The following UBE3A variants were observed in gnomAD, a reference collection of about 807,000 sequenced individuals.
UBE3A encodes the protein ubiquitin protein ligase E3A, also known as ubiquitin-protein ligase E3A.
Under a neutral mutation model 83.4 loss-of-function variants are expected in UBE3A, and 6 were observed. The ratio of observed to expected loss-of-function variants is 0.07; its 90% confidence interval spans 0.04 to 0.14. The LOEUF (loss-of-function observed/expected upper bound fraction) is 0.14, where lower values mean the gene tolerates loss of function less well. UBE3A is among the 10% of genes least tolerant of loss of function. UBE3A has a pLI of 1.00. For missense variants in UBE3A, 456 were observed against 1,036.1 expected, an observed-to-expected ratio of 0.44 and a Z score of 7.69; for synonymous variants, 337 against 355.4, an observed-to-expected ratio of 0.95 and a Z score of 0.58.
intron 6 of UBE3A, among the ~76,000 whole-genome samples, chr15:25,361,383 C>CA (rs1315574202): frequency 6.6e-6 from 1 of 152,134 alleles, no homozygotes; most frequent in Non-Finnish European, 1.5e-5. Context: ...CTCAGCCTCT[C>CA]AAAGTGCTGG....
chr15:25,391,984 A>G (rs776035568), intron 4 of UBE3A, among the ~76,000 whole-genome samples: 10 of 152,058 alleles, frequency 6.6e-5, no homozygotes, highest in South Asian at 4.2e-4. Flanking sequence ...GTGAAGAAGA[A>G]TAAGTTCAGG....
intron 1 of UBE3A, among the ~76,000 whole-genome samples, chr15:25,426,777 T>C (rs1176519031): frequency 6.6e-6 from 1 of 152,126 alleles, no homozygotes; most frequent in East Asian, 1.9e-4. Flanking sequence ...TATGAGAACA[T>C]TTAGTCTTCT....
chr15:25,416,518 AC>A (rs2090952683), intron 1 of UBE3A, among the ~76,000 whole-genome samples: 1 of 152,106 alleles, frequency 6.6e-6, no homozygotes, highest in Admixed American at 6.6e-5. Flanking sequence ...GGGTAGTGAC[AC>A]AGAGCACAAG....
At chr15:25,358,237 T>C (rs1595624549) in intron 7 of UBE3A, among the ~76,000 whole-genome samples, 1 of 152,004 alleles carries the variant, frequency 6.6e-6, no homozygotes, top group African/African-American at 2.4e-5. Context: ...CTGGGTGTGG[T>C]AGCATGTGCC....
chr15:25,379,082 G>A (rs1233848355), intron 4 of UBE3A, among the ~76,000 whole-genome samples: 5 of 152,138 alleles, frequency 3.3e-5, no homozygotes, highest in Non-Finnish European at 5.9e-5. Context: ...CTTTCTGGAC[G>A]TAAGTTTCCT....
chr15:25,427,357 T>C (rs963809848), intron 1 of UBE3A, among the ~76,000 whole-genome samples: 2 of 151,546 alleles, frequency 1.3e-5, no homozygotes, highest in African/African-American at 2.4e-5. Flanking sequence ...CCCTATAAGA[T>C]AGAAGGAAGA....
In UBE3A at chr15:25,336,867, A is replaced by T. The variant is rs1453387493; in HGVS notation, c.*2270T>A. 6.6e-6 allele frequency: 1 copy of T among 152,178 alleles called. No individual in the cohort carries two copies. Among genetic ancestry groups the T allele is most frequent in the African/African-American group, 2.4e-5 (1 of 41,448 alleles). The allele number at this position is 152,178 out of a possible 1,614,324, so 9.4% of individuals were successfully genotyped here. The stretch of plus-strand genomic sequence containing the variant: ...TATAATAGAGTACCTGGGCAAAAAA[A>T]GTACTTTTATAACATAACATTTGGG... On this transcript the variant is annotated 3_prime_UTR_variant, in exon 13 of 13. Coordinates refer to ENST00000648336, the MANE Select transcript of UBE3A (RefSeq NM_130839.5).
At chr15:25,403,195 T>C (rs1022281894) in intron 4 of UBE3A, among the ~76,000 whole-genome samples, 4 of 152,278 alleles carry the variant, frequency 2.6e-5, no homozygotes, top group African/African-American at 9.6e-5. Flanking sequence ...TGGAATGAGA[T>C]TCTCCTACTC....
At position 25,388,554 on chromosome 15, in the gene UBE3A, C is replaced by G. The variant is rs188131733; in HGVS notation, c.63-12791G>C. On this transcript the variant is annotated intron_variant, in intron 4 of 12. Coordinates refer to ENST00000648336, the MANE Select transcript of UBE3A (RefSeq NM_130839.5). ...GAAACTTTCTTACTAAGATCAGGAA[C>G]AAGAAAAGAATATCCCCACCTCACC... is the stretch of plus-strand genomic sequence containing the variant. Among the ~76,000 whole-genome samples the G allele has an allele frequency of 1.1e-4, 16 of 152,072 alleles. 1 individual carries two copies. Among genetic ancestry groups the G allele is most frequent in the Admixed American group, 9.8e-4 (15 of 15,268 alleles).
chr15:25,339,911 A>G (rs992412996), intron 12 of UBE3A, 174 bp downstream of exon 12: 4 of 845,246 alleles, frequency 4.7e-6, no homozygotes, highest in African/African-American at 1.7e-5. Flanking sequence ...GCAATTTCTT[A>G]AAAGTTTCCT....
chr15:25,435,324 G>A (rs970320648), intron 1 of UBE3A, among the ~76,000 whole-genome samples: 1 of 151,898 alleles, frequency 6.6e-6, no homozygotes, highest in Non-Finnish European at 1.5e-5. Flanking sequence ...TGTCTTTGTG[G>A]GTCCTGTACT....
intron 11 of UBE3A, among the ~76,000 whole-genome samples, chr15:25,351,960 G>A (rs1020152263): frequency 3.3e-5 from 5 of 152,200 alleles, no homozygotes; most frequent in Admixed American, 2.6e-4. Flanking sequence ...TTGGGAGGCC[G>A]AGGCGGGCGG....
chr15:25,378,548 A>C (rs1190032916), intron 4 of UBE3A, among the ~76,000 whole-genome samples: 1 of 152,180 alleles, frequency 6.6e-6, no homozygotes, highest in Non-Finnish European at 1.5e-5. Context: ...ATTGAGGATT[A>C]TCTTCAGTCC....
At chr15:25,407,872 A>T (rs2089015878) in intron 3 of UBE3A, 1 of 150,564 alleles carries the variant, frequency 6.6e-6, no homozygotes, top group Non-Finnish European at 1.5e-5. Context: ...TACTCATCCT[A>T]ATAACAGTAT....
intron 1 of UBE3A, among the ~76,000 whole-genome samples, chr15:25,433,889 C>T (rs1245547474): frequency 6.6e-6 from 1 of 151,936 alleles, no homozygotes; most frequent in Non-Finnish European, 1.5e-5. Context: ...CACGGCAAGA[C>T]CCCATCTCCA....
In UBE3A at chr15:25,405,488, T is replaced by G; in HGVS notation, c.35A>C (p.Gln12Pro). ...TCGGCTAGCTTCAATGTCGTCAGAC[T>G]GAGGTTCTCCTGATCTGTAAAATGC... ...ATACKRSGEP[Q>P]SDDIEASRMK... Residue 12 changes from glutamine (Q) to proline (P), a missense_variant, in exon 4 of 13, where the codon CAG (glutamine) becomes CCG (proline). Physicochemically the swap from Gln to Pro is moderately conservative, Grantham distance 76. Transcript: ENST00000648336. The G allele has an allele frequency of 6.2e-7, 1 of 1,613,926 alleles. No individual in the cohort carries two copies. The highest frequency in any genetic ancestry group is 8.5e-7 in the Non-Finnish European group (1 of 1,179,872).
At chr15:25,435,254 ACACAC>A (rs1266068528) in intron 1 of UBE3A, among the ~76,000 whole-genome samples, 1 of 152,082 alleles carries the variant, frequency 6.6e-6, no homozygotes, top group Non-Finnish European at 1.5e-5. Context: ...ACACACACAC[ACACAC>A]AAATGTGAGA....
chr15:25,383,744 A>T (rs2082604924), intron 4 of UBE3A, among the ~76,000 whole-genome samples: 2 of 152,224 alleles, frequency 1.3e-5, no homozygotes, highest in African/African-American at 4.8e-5. Flanking sequence ...TTATTCAATG[A>T]TGAAAAACTG....
intron 1 of UBE3A, among the ~76,000 whole-genome samples, chr15:25,421,701 A>T (rs1039020053): frequency 2.0e-5 from 3 of 152,210 alleles, no homozygotes; most frequent in Non-Finnish European, 4.4e-5. Flanking sequence ...AAAAATAGTT[A>T]AAATGGTATA....
Sources: gnomAD v4.1 joint callset for allele counts (sites outside exome capture counted in the v4.1 genomes callset) on GRCh38, gnomAD v4.1.1 for gene constraint, MANE v1.5 for transcripts, NCBI Gene and HGNC (gene_info 2026-07-23, HGNC 2026-07-21) for gene names.